The following ARHGAP26 variants were observed in gnomAD, a reference collection of about 807,000 sequenced individuals.
ARHGAP26 encodes the protein Rho GTPase activating protein 26, also known as rho GTPase-activating protein 26.
ARHGAP26 carries 38 observed loss-of-function variants against 104.8 expected under a neutral mutation model. The ratio of observed to expected loss-of-function variants is 0.36; its 90% CI spans 0.28 to 0.48. ARHGAP26 has a LOEUF of 0.48. Ranked by LOEUF, ARHGAP26 falls within the 20% of genes least tolerant of loss-of-function variation. The pLI, the probability that ARHGAP26 is intolerant of heterozygous loss-of-function variation, is 0.99. For missense variants in ARHGAP26, 704 were observed against 947.9 expected (o/e 0.74, Z 3.38); for synonymous variants, 341 against 340.0 (o/e 1.00, Z -0.03).
chr5:143,227,374 C>T lies in ARHGAP26; in HGVS notation c.*4928C>T, dbSNP rs909398817. 1.3e-5 allele frequency: 3 copies of T among 231,276 alleles called. No individual in the cohort carries two copies. The highest frequency in any genetic ancestry group is 4.4e-5 in the African/African-American group (2 of 45,184). The allele number at this position is 231,276 out of a possible 1,614,324, so 14.3% of individuals were successfully genotyped here. On this transcript the variant is annotated 3_prime_UTR_variant, in exon 23 of 23. Transcript: ENST00000645722. Reference sequence around the variant, plus strand: ...TCATCACTTACCTCGACAACCCTGCCCCACATCACTTTATAAAGTCAGCAG... The same window carrying T: ...TCATCACTTACCTCGACAACCCTGCTCCACATCACTTTATAAAGTCAGCAG...
chr5:142,831,093 A>G (rs1042101728), intron 1 of ARHGAP26, among the ~76,000 whole-genome samples: 3 of 152,186 alleles, frequency 2.0e-5, no homozygotes, highest in South Asian at 2.1e-4. Context: ...TGGCATGCAC[A>G]TAGGTCCTCA....
At chr5:143,194,039 C>G (rs1806393042) in intron 20 of ARHGAP26, 1 of 152,104 alleles carries the variant, frequency 6.6e-6, no homozygotes, top group Admixed American at 6.5e-5. Flanking sequence ...ACATGCCTGC[C>G]CTGCAGTGAA....
intron 10 of ARHGAP26, among the ~76,000 whole-genome samples, chr5:142,930,895 G>T (rs1764621552): frequency 6.6e-6 from 1 of 152,198 alleles, no homozygotes; most frequent in Non-Finnish European, 1.5e-5. Flanking sequence ...GAGATGATGG[G>T]TGGGTGAGAA....
intron 17 of ARHGAP26, among the ~76,000 whole-genome samples, chr5:143,087,775 G>C (rs1012253579): frequency 4.0e-5 from 6 of 148,972 alleles, no homozygotes; most frequent in African/African-American, 1.5e-4. Context: ...TCAGCCTCCC[G>C]AGTAGCTGGG....
intron 11 of ARHGAP26, among the ~76,000 whole-genome samples, chr5:142,955,425 G>T (rs1440695745): frequency 6.6e-6 from 1 of 152,192 alleles, no homozygotes; most frequent in Non-Finnish European, 1.5e-5. Context: ...GATGTGCTGT[G>T]ATGGGCCTAG....
At chr5:143,077,473 C>T (rs1047262850) in intron 17 of ARHGAP26, among the ~76,000 whole-genome samples, 3 of 152,184 alleles carry the variant, frequency 2.0e-5, no homozygotes, top group Non-Finnish European at 4.4e-5. Context: ...TTGGCAGGTC[C>T]TGCTTATGAT....
intron 1 of ARHGAP26, among the ~76,000 whole-genome samples, chr5:142,858,290 A>C (rs547709305): frequency 6.6e-6 from 1 of 152,292 alleles, no homozygotes; most frequent in African/African-American, 2.4e-5. Context: ...TTCTTTTATC[A>C]TTTGCCTAGT....
chr5:142,870,806 A>G (rs1755172158), intron 1 of ARHGAP26, among the ~76,000 whole-genome samples: 2 of 151,870 alleles, frequency 1.3e-5, no homozygotes, highest in Admixed American at 1.3e-4. Context: ...TGAACCCAGG[A>G]GCTGTGGGAT....
In ARHGAP26 at chr5:143,147,335, A is replaced by G. The variant is rs775686952; in HGVS notation, c.1942A>G (p.Ser648Gly). 3.3e-5 allele frequency: 53 copies of G among 1,613,952 alleles called. No individual in the cohort carries two copies. The highest frequency in any genetic ancestry group is 4.4e-5 in the Non-Finnish European group (52 of 1,179,980). The stretch of plus-strand genomic sequence containing the variant: ...CAGCTTACAGCCCAACATGAACTCC[A>G]GTGACCCAGACCTGGCTGTGGTCAA... ...SSSLQPNMNS[S>G]DPDLAVVKPT... The change falls in exon 20 of 23, where the codon AGT becomes GGT. Residue 648 changes from serine to glycine, a missense_variant. Physicochemically the swap from Ser to Gly is moderately conservative, Grantham distance 56. This residue lies in a region of ARHGAP26 where 217 missense variants were observed against 242.6 expected (regional missense o/e 0.89). Transcript: ENST00000645722.
At chr5:143,012,720 C>G (rs1779067234) in intron 11 of ARHGAP26, among the ~76,000 whole-genome samples, 1 of 149,120 alleles carries the variant, frequency 6.7e-6, no homozygotes, top group African/African-American at 2.5e-5. Context: ...GTGGCGTGAT[C>G]TCGGCTCACT....
chr5:142,875,055 G>C, intron 2 of ARHGAP26, 55 bp from the exon 3 acceptor site: 1 of 1,473,504 alleles, frequency 6.8e-7, no homozygotes, highest in African/African-American at 1.4e-5. Context: ...AGCTGGAAAG[G>C]CTCCCCAAGG....
Position 143,225,135 on chromosome 5 carries a change from CAAAG to C in ARHGAP26, c.*2691_*2694del, listed in dbSNP as rs374220034. 8.7e-5 allele frequency: 19 copies of C among 218,760 alleles called. No individual in the cohort carries two copies. The East Asian group carries it at 1.1e-3, about 13-fold the overall frequency. 13.6% of individuals were successfully genotyped at this position (218,760 alleles called of 1,614,324 possible). A position where few individuals can be genotyped will look rare whatever the true frequency, so the allele number is the denominator to read the frequency against. On this transcript the variant is annotated 3_prime_UTR_variant, in exon 23 of 23. Coordinates refer to ENST00000645722, the MANE Select transcript of ARHGAP26 (RefSeq NM_001135608.3). ...TGCATTCACATACTATTACGCTTCT[CAAAG>C]AGAGACCAACATCATGCTTTTAACA...
intron 1 of ARHGAP26, among the ~76,000 whole-genome samples, chr5:142,833,084 T>C (rs12658072): frequency 0.069 from 10,443 of 152,116 alleles, 648 homozygotes; most frequent in East Asian, 0.34. Context: ...AGGTGGAGTT[T>C]CACTTTTGTT....
At chr5:142,981,924 C>T (rs1773992822) in intron 11 of ARHGAP26, among the ~76,000 whole-genome samples, 1 of 152,212 alleles carries the variant, frequency 6.6e-6, no homozygotes, top group African/African-American at 2.4e-5. Context: ...CTGCATTTTA[C>T]TCTGTAATTT....
chr5:142,816,084 C>G (rs1198331943), intron 1 of ARHGAP26, among the ~76,000 whole-genome samples: 1 of 152,074 alleles, frequency 6.6e-6, no homozygotes, highest in Non-Finnish European at 1.5e-5. Flanking sequence ...AGGTGTGAAC[C>G]ATGGTGTCCA....
At chr5:142,794,074 C>T (rs1760451585) in intron 1 of ARHGAP26, among the ~76,000 whole-genome samples, 1 of 152,212 alleles carries the variant, frequency 6.6e-6, no homozygotes. Flanking sequence ...CTCGTGACTC[C>T]AAAGGATATC....
intron 12 of ARHGAP26, among the ~76,000 whole-genome samples, chr5:143,019,737 A>G (rs1314486656): frequency 2.0e-5 from 3 of 152,220 alleles, no homozygotes; most frequent in South Asian, 2.1e-4. Context: ...GATGTTTTAA[A>G]TAACAAATGT....
intron 7 of ARHGAP26, among the ~76,000 whole-genome samples, chr5:142,902,316 G>C (rs984000046): frequency 6.6e-6 from 1 of 152,208 alleles, no homozygotes; most frequent in Admixed American, 6.5e-5. Context: ...TAGCATTGGA[G>C]TCAGGATTTC....
chr5:143,073,941 C>T (rs764510772), intron 17 of ARHGAP26, among the ~76,000 whole-genome samples: 5 of 152,170 alleles, frequency 3.3e-5, no homozygotes, highest in African/African-American at 1.2e-4. Context: ...CTTGGTTATT[C>T]GGAAACAGAA....
Sources: allele counts gnomAD v4.1 joint callset (sites outside exome capture counted in the v4.1 genomes callset), GRCh38; gene constraint gnomAD v4.1.1; regional missense constraint gnomAD v4.1.1; transcripts MANE v1.5; gene names NCBI Gene and HGNC (gene_info 2026-07-23, HGNC 2026-07-21).